The following LNX1 variants were observed in gnomAD, a reference collection of about 807,000 sequenced individuals.
The protein encoded by LNX1 is E3 ubiquitin-protein ligase LNX.
Under a neutral mutation model 68.4 loss-of-function variants are expected in LNX1, and 54 were observed. The observed-to-expected ratio is 0.79, with a 90% CI of 0.63 to 0.99. The LOEUF (loss-of-function observed/expected upper bound fraction) is 0.99, where lower values mean the gene tolerates loss of function less well. Among genes scored for constraint, LNX1 ranks in the 50% least tolerant of loss-of-function variants. The pLI, the probability that LNX1 is intolerant of heterozygous loss-of-function variation, is 0.00. For synonymous variants in LNX1, 336 were observed against 350.0 expected, an observed-to-expected ratio of 0.96 and a Z score of 0.45; for missense variants, 906 against 926.4, an observed-to-expected ratio of 0.98 and a Z score of 0.29.
intron 3 of LNX1, 128 bp from the exon 4 acceptor site, chr4:53,507,597 T>C: frequency 9.3e-7 from 1 of 1,073,278 alleles, no homozygotes; most frequent in Non-Finnish European, 1.3e-6. Flanking sequence ...GATTGTAGAA[T>C]TTGCTTACCT....
intron 6 of LNX1, among the ~76,000 whole-genome samples, chr4:53,487,551 C>T (rs1015313853): frequency 1.3e-5 from 2 of 152,166 alleles, no homozygotes; most frequent in African/African-American, 4.8e-5. Context: ...TTATTCTATA[C>T]ACACACTTGA....
chr4:53,548,876 A>AACATGGAC (rs1020563959), intron 2 of LNX1, among the ~76,000 whole-genome samples: 10 of 152,256 alleles, frequency 6.6e-5, no homozygotes, highest in African/African-American at 2.4e-4. Context: ...CTTTCACAGG[A>AACATGGAC]ACATGGACGG....
At chr4:53,573,040 A>T (rs1220563287) in intron 2 of LNX1, among the ~76,000 whole-genome samples, 1 of 152,180 alleles carries the variant, frequency 6.6e-6, no homozygotes, top group Non-Finnish European at 1.5e-5. Context: ...CCAACAGGAA[A>T]TCCTTTTGAG....
At chr4:53,613,308 G>C (rs533232508) in intron 2 of LNX1, among the ~76,000 whole-genome samples, 1 of 151,880 alleles carries the variant, frequency 6.6e-6, no homozygotes, top group African/African-American at 2.4e-5. Context: ...GCCAGTTTGA[G>C]GGTTTCTGTT....
chr4:53,482,149 A>C (rs912655070), intron 6 of LNX1, among the ~76,000 whole-genome samples: 9 of 152,214 alleles, frequency 5.9e-5, no homozygotes, highest in Non-Finnish European at 1.3e-4. Flanking sequence ...ATTTTTAATT[A>C]ATGGTTGTAC....
At chr4:53,539,658 A>T (rs1342282296) in intron 2 of LNX1, among the ~76,000 whole-genome samples, 1 of 152,246 alleles carries the variant, frequency 6.6e-6, no homozygotes, top group African/African-American at 2.4e-5. Context: ...AGTTGCAGAA[A>T]ATGTTTTTGT....
intron 2 of LNX1, among the ~76,000 whole-genome samples, chr4:53,529,556 G>A (rs1727874101): frequency 6.6e-6 from 1 of 152,180 alleles, no homozygotes; most frequent in African/African-American, 2.4e-5. Flanking sequence ...GGAAGAAACA[G>A]TCCACCCAGT....
At chr4:53,548,481 G>T (rs950523345) in intron 2 of LNX1, among the ~76,000 whole-genome samples, 4 of 152,116 alleles carry the variant, frequency 2.6e-5, no homozygotes, top group Non-Finnish European at 5.9e-5. Context: ...ATTGATATAG[G>T]TCTGTGATCA....
chr4:53,514,047 T>A lies in LNX1; in HGVS notation c.381-5820A>T, dbSNP rs148044702. 2.5e-4 allele frequency among the ~76,000 whole-genome samples: 38 copies of A among 152,302 alleles called. No individual in the cohort carries two copies. The East Asian group carries it at 6.9e-3, about 28-fold the overall frequency. On this transcript the variant is annotated intron_variant, in intron 2 of 10. Transcript: ENST00000263925. ...TGCCTCAGATATGCCTTCCCCAGAT[T>A]CCCATCCAGTTTGTTCCTGCATCTC...
chr4:53,469,760 C>T (rs959420953), intron 9 of LNX1, among the ~76,000 whole-genome samples: 1 of 152,020 alleles, frequency 6.6e-6, no homozygotes, highest in Non-Finnish European at 1.5e-5. Flanking sequence ...ATAAATTCCT[C>T]GACACATACA....
In LNX1 at chr4:53,508,157, C is replaced by A; in HGVS notation, c.451G>T (p.Gly151Cys). 1.9e-6 allele frequency: 3 copies of A among 1,614,122 alleles called. No individual in the cohort carries two copies. Among genetic ancestry groups the A allele is most frequent in the Non-Finnish European group, 2.5e-6 (3 of 1,180,026 alleles). The change falls in exon 3 of 11, where the codon GGC becomes TGC. Residue 151 changes from glycine (G) to cysteine (C), a missense_variant. Physicochemically the swap from Gly to Cys is radical, Grantham distance 159 (BLOSUM62 -3). Transcript: ENST00000263925. ...GCCGTGGCTGTGAGGCTCGCACAGCCGTCTGGACAGCCATCTTGTGAGCGC... is the reference window on the plus strand; with the variant it reads ...GCCGTGGCTGTGAGGCTCGCACAGCAGTCTGGACAGCCATCTTGTGAGCGC... ...KRRSQDGCPD[G>C]CASLTATAPS...
chr4:53,552,155 C>G (rs1010312515), intron 2 of LNX1, among the ~76,000 whole-genome samples: 2 of 152,342 alleles, frequency 1.3e-5, no homozygotes, highest in East Asian at 3.9e-4. Context: ...GGAAGTCAGT[C>G]ACGCAGCTAG....
At chr4:53,527,696 GT>G (rs1473512376) in intron 2 of LNX1, among the ~76,000 whole-genome samples, 3 of 152,302 alleles carry the variant, frequency 2.0e-5, no homozygotes, top group East Asian at 3.9e-4. Flanking sequence ...TGGATTGGTG[GT>G]AAAGCTCATA....
chr4:53,513,412 TGTGGGTTCCA>T (rs1419661277), intron 2 of LNX1, among the ~76,000 whole-genome samples: 2 of 152,124 alleles, frequency 1.3e-5, no homozygotes, highest in Non-Finnish European at 2.9e-5. Flanking sequence ...GAAGCCAGGC[TGTGGGTTCCA>T]TGCTTTCTCC....
At chr4:53,616,376 C>T (rs1243967071) in intron 2 of LNX1, 1 of 152,142 alleles carries the variant, frequency 6.6e-6, no homozygotes, top group Non-Finnish European at 1.5e-5. Flanking sequence ...GTGTCCTGCG[C>T]CTGGGTCAGC....
At chr4:53,617,802 C>G (rs1044307726), upstream of LNX1, among the ~76,000 whole-genome samples, 2 of 152,088 alleles carry the variant, frequency 1.3e-5, no homozygotes, top group Admixed American at 6.6e-5. Context: ...ATTTAGAGAA[C>G]CAATAGAATT....
chr4:53,647,448 T>C (rs1232114687), intron 1 of LNX1, among the ~76,000 whole-genome samples: 2 of 152,224 alleles, frequency 1.3e-5, no homozygotes. Context: ...TTTAACAATG[T>C]CTCAGCCAAT....
chr4:53,592,718 A>G (rs989059186), upstream of LNX1, among the ~76,000 whole-genome samples: 3 of 151,994 alleles, frequency 2.0e-5, no homozygotes, highest in African/African-American at 7.3e-5. Context: ...ATATTGGACT[A>G]CCTAGAGGTT....
chr4:53,580,623 G>C (rs1731772594), intron 1 of LNX1, among the ~76,000 whole-genome samples: 1 of 152,086 alleles, frequency 6.6e-6, no homozygotes. Flanking sequence ...CGAGTAAAAA[G>C]GTAGAAATGA....
Sources: allele counts gnomAD v4.1 joint callset (sites outside exome capture counted in the v4.1 genomes callset), GRCh38; gene constraint gnomAD v4.1.1; transcripts MANE v1.5; gene names NCBI Gene and HGNC (gene_info 2026-07-23, HGNC 2026-07-21).